Variants in SYT1 observed in about 807,000 individuals in gnomAD.
SYT1 encodes the protein synaptotagmin-1.
A neutral mutation model predicts 44.8 loss-of-function variants in SYT1; 8 were observed. The observed-to-expected ratio is 0.18, with a 90% CI of 0.10 to 0.32. SYT1 has a LOEUF of 0.32. Ranked by LOEUF, SYT1 falls within the 10% of genes least tolerant of loss-of-function variation. The pLI is 1.00. For missense variants in SYT1, 286 were observed against 509.3 expected (o/e 0.56, Z 4.22); for synonymous variants, 154 against 188.8 (o/e 0.82, Z 1.51).
intron 5 of SYT1, among the ~76,000 whole-genome samples, chr12:79,287,509 G>C (rs1879369537): frequency 6.6e-6 from 1 of 152,234 alleles, no homozygotes; most frequent in South Asian, 2.1e-4. Flanking sequence ...GACATGGACT[G>C]AATAATATGT....
At chr12:79,386,301 C>T (rs1324968356) in intron 9 of SYT1, among the ~76,000 whole-genome samples, 1 of 109,284 alleles carries the variant, frequency 9.2e-6, no homozygotes, top group Non-Finnish European at 2.3e-5. Flanking sequence ...TCCCCAAATA[C>T]ATTTTTGGGT....
At chr12:79,013,378 G>T (rs1871550606) in intron 2 of SYT1, among the ~76,000 whole-genome samples, 1 of 152,134 alleles carries the variant, frequency 6.6e-6, no homozygotes, top group East Asian at 1.9e-4. Context: ...TCAAATAATT[G>T]TTCAATATTT....
At chr12:79,113,608 C>G (rs1445592748) in intron 3 of SYT1, among the ~76,000 whole-genome samples, 1 of 152,096 alleles carries the variant, frequency 6.6e-6, no homozygotes, top group Non-Finnish European at 1.5e-5. Flanking sequence ...TTCTTTAACC[C>G]AGTGCTTTCC....
Position 79,187,013 on chromosome 12 carries a change from G to A in SYT1, c.-17-30490G>A, listed in dbSNP as rs550516454. Among the ~76,000 whole-genome samples, 5 of 152,040 alleles carry A rather than the reference G, an allele frequency of 3.3e-5. No individual in the cohort carries two copies. The South Asian group carries it at 6.2e-4, about 19-fold the overall frequency. On this transcript the variant is annotated intron_variant, in intron 3 of 10. Transcript: ENST00000261205. The stretch of plus-strand genomic sequence containing the variant: ...CTTCCTTATAGATAACTTCAATAGT[G>A]TTTTACTAATTAGATATAAGAAAGA...
chr12:78,949,097 G>A (rs1334031113), intron 1 of SYT1, among the ~76,000 whole-genome samples: 1 of 151,242 alleles, frequency 6.6e-6, no homozygotes, highest in East Asian at 1.9e-4. Context: ...GCTAGTGATT[G>A]GCTATAGGAC....
intron 9 of SYT1, among the ~76,000 whole-genome samples, chr12:79,408,873 A>G (rs1868324896): frequency 6.6e-6 from 1 of 151,994 alleles, no homozygotes; most frequent in African/African-American, 2.4e-5. Flanking sequence ...TCCTGAGTCT[A>G]CAATTATGCA....
intron 10 of SYT1, among the ~76,000 whole-genome samples, chr12:79,446,248 G>T (rs1870731613): frequency 6.6e-6 from 1 of 151,258 alleles, no homozygotes; most frequent in Non-Finnish European, 1.5e-5. Context: ...CAATACATAG[G>T]AACACACAGT....
At chr12:79,435,096 A>T (rs1870010282) in intron 9 of SYT1, among the ~76,000 whole-genome samples, 1 of 152,072 alleles carries the variant, frequency 6.6e-6, no homozygotes, top group African/African-American at 2.4e-5. Flanking sequence ...GGAATTCTGG[A>T]TGTAGACTGT....
chr12:79,122,010 T>C (rs1463705770), intron 3 of SYT1, among the ~76,000 whole-genome samples: 1 of 152,226 alleles, frequency 6.6e-6, no homozygotes, highest in Non-Finnish European at 1.5e-5. Flanking sequence ...AATGAAAATA[T>C]TCTGCTCTTG....
intron 3 of SYT1, among the ~76,000 whole-genome samples, chr12:79,215,098 G>A (rs1309806282): frequency 6.6e-6 from 1 of 152,088 alleles, no homozygotes; most frequent in Non-Finnish European, 1.5e-5. Flanking sequence ...CCAGGGAGAT[G>A]AGCTCCTAAA....
At position 79,114,915 on chromosome 12, in the gene SYT1, G is replaced by C. The variant is rs559734798; in HGVS notation, c.-18+67553G>C. On this transcript the variant is annotated intron_variant, in intron 3 of 10. Transcript: ENST00000261205. ...ATTCCAGTAAAATGAAGATTAAAAT[G>C]TTTTAAAAAATGAAAAACTGGAATA... is the stretch of plus-strand genomic sequence containing the variant. Among the ~76,000 whole-genome samples, 5 of 151,980 alleles carry C rather than the reference G, an allele frequency of 3.3e-5. No homozygotes were observed. The South Asian group carries it at 1.0e-3, about 32-fold the overall frequency.
intron 8 of SYT1, among the ~76,000 whole-genome samples, chr12:79,319,283 T>TAAGTC (rs1198527044): frequency 6.6e-6 from 1 of 152,182 alleles, no homozygotes; most frequent in Non-Finnish European, 1.5e-5. Context: ...AGTATCTGCT[T>TAAGTC]AAGTCAAGCA....
intron 1 of SYT1, among the ~76,000 whole-genome samples, chr12:78,909,454 A>C (rs937545497): frequency 6.6e-6 from 1 of 151,926 alleles, no homozygotes; most frequent in East Asian, 1.9e-4. Context: ...TGCAACACAA[A>C]CAATAAATAT....
intron 9 of SYT1, among the ~76,000 whole-genome samples, chr12:79,410,855 T>C (rs1008175164): frequency 2.0e-5 from 3 of 152,168 alleles, no homozygotes; most frequent in Non-Finnish European, 2.9e-5. Context: ...AGAGATCATC[T>C]ACAAATCCAA....
At chr12:78,894,876 A>G (rs1199570372) in intron 1 of SYT1, among the ~76,000 whole-genome samples, 2 of 151,688 alleles carry the variant, frequency 1.3e-5, no homozygotes, top group African/African-American at 2.4e-5. Context: ...ATAGCAGTAT[A>G]TTGTATACTT....
At chr12:79,306,091 A>G (rs1426413315) in intron 8 of SYT1, among the ~76,000 whole-genome samples, 1 of 152,166 alleles carries the variant, frequency 6.6e-6, no homozygotes, top group Non-Finnish European at 1.5e-5. Context: ...TGCCACTAAG[A>G]GAGTGCAAGG....
intron 3 of SYT1, among the ~76,000 whole-genome samples, chr12:79,119,100 A>G (rs1439737452): frequency 6.6e-6 from 1 of 151,884 alleles, no homozygotes; most frequent in African/African-American, 2.4e-5. Context: ...TACAAATTTT[A>G]TCTCCTCTAT....
chr12:79,377,836 GGT>G (rs1455102205), intron 9 of SYT1, among the ~76,000 whole-genome samples: 1 of 152,158 alleles, frequency 6.6e-6, no homozygotes, highest in Non-Finnish European at 1.5e-5. Flanking sequence ...GCATGGGCTT[GGT>G]TAGGGACATA....
At position 79,341,724 on chromosome 12, in the gene SYT1, A is replaced by G. The variant is rs572852417; in HGVS notation, c.811-11778A>G. On this transcript the variant is annotated intron_variant, in intron 8 of 10. Coordinates refer to ENST00000261205, the MANE Select transcript of SYT1 (RefSeq NM_005639.3). ...CGCTCTGTTGCCTAGGCTGGAGTGC[A>G]GTGGCATGATCTCAGCTCACTGCAA... Among the ~76,000 whole-genome samples, 3 of 124,420 alleles carry G rather than the reference A, an allele frequency of 2.4e-5. No individual in the cohort carries two copies. The South Asian group carries it at 7.7e-4, about 32-fold the overall frequency. 81.6% of individuals were successfully genotyped at this position (124,420 alleles called of 152,430 possible).
Sources: gnomAD v4.1 joint callset for allele counts (sites outside exome capture counted in the v4.1 genomes callset) on GRCh38, gnomAD v4.1.1 for gene constraint, MANE v1.5 for transcripts, NCBI Gene and HGNC (gene_info 2026-07-23, HGNC 2026-07-21) for gene names.